TADA2A: variants seen among roughly 807,000 people sequenced by gnomAD.
The protein encoded by TADA2A is transcriptional adaptor 2A.
TADA2A carries 38 observed loss-of-function variants against 67.4 expected under a neutral mutation model. The observed-to-expected ratio is 0.56, with a 90% confidence interval of 0.44 to 0.74. The LOEUF is 0.74. TADA2A is among the 30% of genes least tolerant of loss of function. TADA2A has a pLI of 0.00. For synonymous variants in TADA2A, 192 were observed against 181.6 expected (o/e 1.06, Z -0.46); for missense variants, 454 against 547.0 (o/e 0.83, Z 1.70).
intron 2 of TADA2A, 90 bp downstream of exon 2, chr17:37,411,480 T>C (rs1202528811): frequency 7.9e-7 from 1 of 1,261,080 alleles, no homozygotes; most frequent in East Asian, 2.3e-5. Flanking sequence ...TGGGGTACAG[T>C]GGCATGATGT....
At chr17:37,415,258 A>T (rs1206140782) in intron 2 of TADA2A, among the ~76,000 whole-genome samples, 1 of 152,200 alleles carries the variant, frequency 6.6e-6, no homozygotes, top group Non-Finnish European at 1.5e-5. Flanking sequence ...TTCAATCAGC[A>T]CCAGGATTGT....
Position 37,458,637 on chromosome 17 carries a change from T to TTTTGTG in TADA2A, c.668+51_668+52insTTGTGT, listed in dbSNP as rs1230849870. 1.7e-3 allele frequency: 1,716 copies of TTTTGTG among 981,374 alleles called. 65 individuals carry two copies. The highest frequency in any genetic ancestry group is 6.9e-3 in the South Asian group (386 of 56,046). 60.8% of individuals were successfully genotyped at this position (981,374 alleles called of 1,614,324 possible). A position where few individuals can be genotyped will look rare whatever the true frequency, so the allele number is the denominator to read the frequency against. On this transcript the variant is annotated intron_variant, in intron 9 of 15. Coordinates refer to ENST00000615182, the MANE Select transcript of TADA2A (RefSeq NM_001166105.3). ...CTCCTTTCAGCTTTGGATTATTGTTTTGTGTGTGTGTGTGTGTGTGTGTGT... is the reference window on the plus strand; with the variant it reads ...CTCCTTTCAGCTTTGGATTATTGTTTTTTGTGTGTGTGTGTGTGTGTGTGTGTGTGT...
chr17:37,412,676 C>A (rs765233052), intron 2 of TADA2A, among the ~76,000 whole-genome samples: 9 of 151,428 alleles, frequency 5.9e-5, no homozygotes, highest in East Asian at 4.0e-4. Context: ...CCCAGCTACA[C>A]GGGAGCTGAG....
Position 37,459,904 on chromosome 17 carries a change from A to G in TADA2A, c.668+1317A>G, listed in dbSNP as rs868516705. ...AACATGGTGAAACCCTGTCTCTACT[A>G]AAAATACAAAAATTAGCTGGGGGTG... is the stretch of plus-strand genomic sequence containing the variant. On this transcript the variant is annotated intron_variant, in intron 9 of 15. Transcript: ENST00000615182. Among the ~76,000 whole-genome samples, 9 of 151,540 alleles carry G rather than the reference A, an allele frequency of 5.9e-5. 1 individual carries two copies. Among genetic ancestry groups the G allele is most frequent in the South Asian group, 4.2e-4 (2 of 4,770 alleles).
intron 15 of TADA2A, among the ~76,000 whole-genome samples, chr17:37,475,638 G>T (rs1746946815): frequency 6.6e-6 from 1 of 151,864 alleles, no homozygotes; most frequent in Non-Finnish European, 1.5e-5. Flanking sequence ...GCTAATTTTT[G>T]TATTTTTAGT....
At chr17:37,439,048 A>G (rs1480534019) in intron 5 of TADA2A, among the ~76,000 whole-genome samples, 1 of 152,172 alleles carries the variant, frequency 6.6e-6, no homozygotes, top group Non-Finnish European at 1.5e-5. Flanking sequence ...ATGCTGTGAA[A>G]AAGAGACCTT....
At position 37,442,747 on chromosome 17, in the gene TADA2A, G is replaced by A. The variant is rs1055047905; in HGVS notation, c.531+95G>A. 3 of 1,182,874 alleles carry A rather than the reference G, an allele frequency of 2.5e-6. No homozygotes were observed. In the African/African-American group the frequency reaches 4.7e-5, roughly 18 times the overall value. The allele number at this position is 1,182,874 out of a possible 1,614,324, so 73.3% of individuals were successfully genotyped here. ...ACCCATAGATTCCATACCACTAAAA[G>A]GAGATTTTTCAAGGCACTATAATTT... On this transcript the variant is annotated intron_variant, in intron 7 of 15. Coordinates refer to ENST00000615182, the MANE Select transcript of TADA2A (RefSeq NM_001166105.3).
chr17:37,439,910 ATTT>A (rs2052847261), intron 5 of TADA2A, among the ~76,000 whole-genome samples: 2 of 90,480 alleles, frequency 2.2e-5, no homozygotes, highest in South Asian at 7.0e-4. Flanking sequence ...AGTCATCTTT[ATTT>A]ATTTATTTAT....
At position 37,421,888 on chromosome 17, in the gene TADA2A, T is replaced by C. The variant is rs940951748; in HGVS notation, c.26-1621T>C. Reference sequence around the variant, plus strand: ...ATGATGTGTTTTTTTATTTTTTTATTTTTTTTTGGAGACGGAGTCTCTCTC... The same window carrying C: ...ATGATGTGTTTTTTTATTTTTTTATCTTTTTTTGGAGACGGAGTCTCTCTC... On this transcript the variant is annotated intron_variant, in intron 2 of 15. Transcript: ENST00000615182. 2.5e-4 allele frequency among the ~76,000 whole-genome samples: 35 copies of C among 142,318 alleles called. 5 individuals are homozygous for C. The highest frequency in any genetic ancestry group is 8.8e-4 in the African/African-American group (33 of 37,460). The allele number at this position is 142,318 out of a possible 152,430, so 93.4% of individuals were successfully genotyped here.
At chr17:37,465,876 C>T (rs1436217039) in intron 11 of TADA2A, among the ~76,000 whole-genome samples, 1 of 152,182 alleles carries the variant, frequency 6.6e-6, no homozygotes, top group East Asian at 1.9e-4. Flanking sequence ...CAGTTTTCAA[C>T]ACATGGCCAG....
intron 14 of TADA2A, among the ~76,000 whole-genome samples, chr17:37,471,577 G>A (rs976509346): frequency 2.0e-5 from 3 of 151,676 alleles, no homozygotes; most frequent in South Asian, 2.1e-4. Flanking sequence ...GTGTGATCTC[G>A]GCTCACTGCA....
chr17:37,459,125 A>G (rs955908836), intron 9 of TADA2A, among the ~76,000 whole-genome samples: 8 of 152,086 alleles, frequency 5.3e-5, no homozygotes, highest in African/African-American at 1.9e-4. Flanking sequence ...TTATTTTTAT[A>G]TCCTCTGCCC....
At chr17:37,410,174 A>G (rs1407492756) in intron 1 of TADA2A, among the ~76,000 whole-genome samples, 1 of 152,014 alleles carries the variant, frequency 6.6e-6, no homozygotes, top group Non-Finnish European at 1.5e-5. Context: ...CCTGGGCAAC[A>G]GAGCCAGACT....
At chr17:37,450,809 C>G (rs7217170) in intron 8 of TADA2A, among the ~76,000 whole-genome samples, 36 of 152,112 alleles carry the variant, frequency 2.4e-4, no homozygotes, top group Non-Finnish European at 5.1e-4. Context: ...GTTGTCCTCC[C>G]TAGGTTATTC....
At chr17:37,472,120 C>A (rs1423045656) in intron 14 of TADA2A, among the ~76,000 whole-genome samples, 4 of 151,664 alleles carry the variant, frequency 2.6e-5, no homozygotes, top group African/African-American at 9.7e-5. Flanking sequence ...GGCTGGAGTG[C>A]AGTGACGCGA....
chr17:37,458,396 G>A (rs1195579512), intron 8 of TADA2A, 128 bp from the exon 9 acceptor site: 2 of 427,868 alleles, frequency 4.7e-6, no homozygotes. Flanking sequence ...CTAGACTAGT[G>A]AGTGTGGAGT....
chr17:37,426,065 C>A (rs577450216), intron 3 of TADA2A, among the ~76,000 whole-genome samples: 8 of 152,168 alleles, frequency 5.3e-5, no homozygotes, highest in African/African-American at 1.4e-4. Flanking sequence ...GCCTCGACCT[C>A]CTGGGCTCAA....
At chr17:37,444,977 A>G (rs2053033439) in intron 8 of TADA2A, among the ~76,000 whole-genome samples, 1 of 152,162 alleles carries the variant, frequency 6.6e-6, no homozygotes, top group Non-Finnish European at 1.5e-5. Context: ...TGATTATATA[A>G]TAGTAGTAGG....
intron 13 of TADA2A, 74 bp from the exon 14 acceptor site, chr17:37,471,020 C>T (rs1024830440): frequency 6.7e-7 from 1 of 1,484,974 alleles, no homozygotes; most frequent in Admixed American, 1.7e-5. Context: ...TAAATGGCAC[C>T]CAGTCTCACC....
Sources: gnomAD v4.1 joint callset for allele counts (sites outside exome capture counted in the v4.1 genomes callset) on GRCh38, gnomAD v4.1.1 for gene constraint, MANE v1.5 for transcripts, NCBI Gene and HGNC (gene_info 2026-07-23, HGNC 2026-07-21) for gene names.